PRIM2: variants seen among roughly 807,000 people sequenced by gnomAD.
The protein encoded by PRIM2 is DNA primase large subunit.
A neutral mutation model predicts 67.3 loss-of-function variants in PRIM2; 39 were observed. That is an observed-to-expected ratio of 0.58 (90% CI 0.45 to 0.76). The LOEUF (loss-of-function observed/expected upper bound fraction) is 0.76, where lower values mean the gene tolerates loss of function less well. Ranked by LOEUF, PRIM2 falls within the 30% of genes least tolerant of loss-of-function variation. The pLI is 0.00. For synonymous variants in PRIM2, 143 were observed against 198.7 expected, an observed-to-expected ratio of 0.72 and a Z score of 2.36; for missense variants, 398 against 598.7, an observed-to-expected ratio of 0.66 and a Z score of 3.50.
the PRIM2 span, among the ~76,000 whole-genome samples, chr6:57,302,286 TA>T: frequency 2.0e-5 from 3 of 152,176 alleles, no homozygotes; most frequent in Non-Finnish European, 4.4e-5. Flanking sequence ...GATAGAGAGA[TA>T]GATAGAGTCA....
intron 9 of PRIM2, among the ~76,000 whole-genome samples, chr6:57,534,273 T>C (rs1774952963): frequency 6.6e-6 from 1 of 152,142 alleles, no homozygotes; most frequent in Non-Finnish European, 1.5e-5. Context: ...GATCTTATTA[T>C]ATCATCTGAT....
chr6:57,414,264 G>C (rs1771187332), intron 7 of PRIM2, among the ~76,000 whole-genome samples: 1 of 152,088 alleles, frequency 6.6e-6, no homozygotes, highest in Non-Finnish European at 1.5e-5. Context: ...CTTATTTGAA[G>C]AACATGAATA....
chr6:57,364,871 T>A (rs945081384), intron 5 of PRIM2, among the ~76,000 whole-genome samples: 3 of 152,216 alleles, frequency 2.0e-5, no homozygotes, highest in East Asian at 1.9e-4. Flanking sequence ...ACAGTATTTT[T>A]AAAATGCTGT....
the PRIM2 span, among the ~76,000 whole-genome samples, chr6:57,288,248 G>C: frequency 6.6e-6 from 1 of 152,150 alleles, no homozygotes; most frequent in East Asian, 1.9e-4. Flanking sequence ...GCTGAGGCTT[G>C]AATAGGCGGT....
chr6:57,398,206 C>A (rs1770589460), intron 7 of PRIM2, among the ~76,000 whole-genome samples: 1 of 152,082 alleles, frequency 6.6e-6, no homozygotes, highest in African/African-American at 2.4e-5. Flanking sequence ...GATCTGCTTG[C>A]CTCGGCCTCC....
At chr6:57,259,273 G>C in the PRIM2 span, among the ~76,000 whole-genome samples, 3 of 152,138 alleles carry the variant, frequency 2.0e-5, no homozygotes, top group Non-Finnish European at 4.4e-5. Context: ...TCATCTTGGG[G>C]GTTGGCTGAT....
chr6:57,349,038 C>A (rs940295251), intron 5 of PRIM2, among the ~76,000 whole-genome samples: 1 of 152,108 alleles, frequency 6.6e-6, no homozygotes, highest in Non-Finnish European at 1.5e-5. Context: ...AGACACCATG[C>A]CTGGCCTCCT....
chr6:57,266,013 T>A, the PRIM2 span, among the ~76,000 whole-genome samples: 8 of 152,028 alleles, frequency 5.3e-5, no homozygotes, highest in Non-Finnish European at 7.4e-5. Context: ...AAAAGGAGAA[T>A]GAAAAAACAG....
intron 7 of PRIM2, among the ~76,000 whole-genome samples, chr6:57,438,432 C>T (rs554006812): frequency 3.3e-5 from 5 of 152,228 alleles, no homozygotes; most frequent in Non-Finnish European, 5.9e-5. Flanking sequence ...CTTACATCTT[C>T]AATAAAGAGC....
intron 2 of PRIM2, 61 bp downstream of exon 2, chr6:57,318,660 A>G: frequency 8.3e-6 from 11 of 1,327,780 alleles, no homozygotes; most frequent in Non-Finnish European, 1.2e-5. Flanking sequence ...CCTTTGTGAG[A>G]ATGAATGAAG....
At chr6:57,370,313 A>G (rs543546960) in intron 5 of PRIM2, among the ~76,000 whole-genome samples, 15 of 152,306 alleles carry the variant, frequency 9.8e-5, no homozygotes, top group Middle Eastern at 3.4e-3. Flanking sequence ...ATTTTGTCCA[A>G]TAGTTTTTAA....
Position 57,535,780 on chromosome 6 carries a change from G to A in PRIM2, c.835-1660G>A, listed in dbSNP as rs1280990551. ...CTCAGGAGGCTGAAGCAGGAGAATC[G>A]CATGAACCTGGGAGGCAGAGGTTAT... On this transcript the variant is annotated intron_variant, in intron 9 of 13. Coordinates refer to ENST00000615550, the MANE Select transcript of PRIM2 (RefSeq NM_000947.5). 1.1e-4 allele frequency among the ~76,000 whole-genome samples: 17 copies of A among 152,044 alleles called. No individual in the cohort carries two copies. The East Asian group carries it at 2.9e-3, about 26-fold the overall frequency.
At chr6:57,370,858 C>T (rs2191661) in intron 5 of PRIM2, among the ~76,000 whole-genome samples, 7 of 151,996 alleles carry the variant, frequency 4.6e-5, no homozygotes, top group Admixed American at 6.6e-5. Context: ...CCACCATGCC[C>T]GGCTAATTTT....
the PRIM2 span, among the ~76,000 whole-genome samples, chr6:57,241,223 C>CA: frequency 0.41 from 39,005 of 95,394 alleles, 6,165 homozygotes; most frequent in East Asian, 0.61. Context: ...GACTCTGTCT[C>CA]AAAAAAAAAA....
chr6:57,227,228 G>A, the PRIM2 span, among the ~76,000 whole-genome samples: 3 of 152,154 alleles, frequency 2.0e-5, no homozygotes, highest in Admixed American at 6.5e-5. Context: ...ATAAGGAAAC[G>A]TCTGTGTGAT....
intron 10 of PRIM2, among the ~76,000 whole-genome samples, chr6:57,578,538 T>C (rs1282615809): frequency 1.3e-5 from 2 of 152,258 alleles, no homozygotes; most frequent in South Asian, 2.1e-4. Flanking sequence ...TTCATGGATA[T>C]GTATTTCATT....
chr6:57,450,846 T>G (rs1272459582), intron 7 of PRIM2, among the ~76,000 whole-genome samples: 12 of 152,338 alleles, frequency 7.9e-5, no homozygotes, highest in Admixed American at 2.6e-4. Flanking sequence ...ATACTGTACT[T>G]TATACTTCAT....
the PRIM2 span, among the ~76,000 whole-genome samples, chr6:57,276,247 G>C: frequency 6.6e-6 from 1 of 151,980 alleles, no homozygotes; most frequent in Non-Finnish European, 1.5e-5. Context: ...AAAATTAGCT[G>C]GGTGTGGTGG....
chr6:57,235,421 G>A, the PRIM2 span, among the ~76,000 whole-genome samples: 11 of 150,856 alleles, frequency 7.3e-5, no homozygotes, highest in South Asian at 2.1e-3. Context: ...CTGAGATCGC[G>A]CCACTGCGCT....
Sources: allele counts gnomAD v4.1 joint callset (sites outside exome capture counted in the v4.1 genomes callset), GRCh38; gene constraint gnomAD v4.1.1; transcripts MANE v1.5; gene names NCBI Gene and HGNC (gene_info 2026-07-23, HGNC 2026-07-21).